Variants in PDE1C observed in about 807,000 individuals in gnomAD.
The protein encoded by PDE1C is phosphodiesterase 1C.
In PDE1C, 62 loss-of-function variants were observed where a neutral mutation model predicts 93.1. That is an observed-to-expected ratio of 0.67 (90% CI 0.54 to 0.82). The LOEUF (loss-of-function observed/expected upper bound fraction) is 0.82, where lower values mean the gene tolerates loss of function less well. PDE1C is among the 40% of genes least tolerant of loss of function. The pLI is 0.00. For missense variants in PDE1C, 742 were observed against 884.6 expected (o/e 0.84, Z 2.04); for synonymous variants, 325 against 310.1 (o/e 1.05, Z -0.50).
chr7:32,305,788 G>A (rs1270770860), intron 1 of PDE1C, among the ~76,000 whole-genome samples: 1 of 152,242 alleles, frequency 6.6e-6, no homozygotes, highest in Non-Finnish European at 1.5e-5. Flanking sequence ...TGAGAGTTAG[G>A]AAAGGGTACC....
intron 1 of PDE1C, among the ~76,000 whole-genome samples, chr7:32,377,779 C>T (rs1017690392): frequency 9.2e-5 from 14 of 152,098 alleles, no homozygotes; most frequent in Admixed American, 3.9e-4. Flanking sequence ...AAATTCAGGT[C>T]GGTCTAGTTA....
chr7:32,251,174 A>G (rs1239006262), intron 1 of PDE1C, among the ~76,000 whole-genome samples: 1 of 152,206 alleles, frequency 6.6e-6, no homozygotes, highest in East Asian at 1.9e-4. Context: ...CTTTGTCCCC[A>G]GCCTCTACCA....
chr7:32,220,608 G>A (rs988228695), intron 1 of PDE1C, among the ~76,000 whole-genome samples: 1 of 152,004 alleles, frequency 6.6e-6, no homozygotes, highest in African/African-American at 2.4e-5. Context: ...GAGGTCAGGA[G>A]ATCGAGACCA....
At chr7:31,994,889 G>A (rs1250795591) in intron 2 of PDE1C, among the ~76,000 whole-genome samples, 3 of 152,142 alleles carry the variant, frequency 2.0e-5, no homozygotes, top group African/African-American at 7.2e-5. Context: ...ACAAATGCTT[G>A]TTTACCAATA....
At chr7:32,158,810 T>C (rs1235572757) in intron 3 of PDE1C, among the ~76,000 whole-genome samples, 3 of 152,206 alleles carry the variant, frequency 2.0e-5, no homozygotes, top group Non-Finnish European at 2.9e-5. Flanking sequence ...GCTCCGAAGA[T>C]TTCTGCCTGC....
chr7:32,199,672 G>A (rs1244647337), intron 2 of PDE1C, among the ~76,000 whole-genome samples: 1 of 151,882 alleles, frequency 6.6e-6, no homozygotes, highest in African/African-American at 2.4e-5. Flanking sequence ...CCAAGGTCTT[G>A]TTCCTTTCTT....
chr7:31,825,315 A>T (rs1475479071), intron 12 of PDE1C, among the ~76,000 whole-genome samples: 1 of 152,142 alleles, frequency 6.6e-6, no homozygotes, highest in Non-Finnish European at 1.5e-5. Context: ...TTTGAGCTGA[A>T]CCCTTAAGAA....
At chr7:32,364,331 C>CG in intron 1 of PDE1C, among the ~76,000 whole-genome samples, 1 of 152,146 alleles carries the variant, frequency 6.6e-6, no homozygotes, top group Non-Finnish European at 1.5e-5. Context: ...ACCAAGGCAA[C>CG]AAATAAACAG....
chr7:32,383,896 T>C (rs1784578100), intron 1 of PDE1C, among the ~76,000 whole-genome samples: 1 of 152,246 alleles, frequency 6.6e-6, no homozygotes. Flanking sequence ...CAAACCTCAG[T>C]TTCTGCGTCT....
At chr7:32,382,168 C>A (rs1341126143) in intron 1 of PDE1C, among the ~76,000 whole-genome samples, 2 of 152,136 alleles carry the variant, frequency 1.3e-5, no homozygotes, top group Non-Finnish European at 2.9e-5. Context: ...TTAACCACTA[C>A]AATCCACCTT....
chr7:31,663,074 G>A, the PDE1C span, among the ~76,000 whole-genome samples: 1 of 152,134 alleles, frequency 6.6e-6, no homozygotes, highest in African/African-American at 2.4e-5. Flanking sequence ...CCCGGTGCTG[G>A]ACACTGCTGT....
Position 32,341,173 on chromosome 7 carries a change from C to CTATTTTTTTTTTTTTTTTTTT in PDE1C, c.310+86648_310+86649insAAAAAAAAAAAAAAAAAAATA, listed in dbSNP as rs796122014. Among the ~76,000 whole-genome samples, 35 of 84,952 alleles carry CTATTTTTTTTTTTTTTTTTTT rather than the reference C, an allele frequency of 4.1e-4. 2 individuals are homozygous for CTATTTTTTTTTTTTTTTTTTT. Among genetic ancestry groups the CTATTTTTTTTTTTTTTTTTTT allele is most frequent in the African/African-American group, 1.5e-3 (34 of 23,018 alleles). 55.7% of individuals were successfully genotyped at this position (84,952 alleles called of 152,430 possible). A position where few individuals can be genotyped will look rare whatever the true frequency, so the allele number is the denominator to read the frequency against. On this transcript the variant is annotated intron_variant, in intron 1 of 1. Coordinates refer to the PDE1C transcript ENST00000672256. ...CCTAAAACTACTCTAGAAATAAAGT[C>CTATTTTTTTTTTTTTTTTTTT]TTTTTTTTTTTTTTTTTTTTGAGAC...
chr7:31,652,539 G>A, the PDE1C span: 1 of 1,603,598 alleles, frequency 6.2e-7, no homozygotes, highest in Non-Finnish European at 8.5e-7. Context: ...TCTCACAGCA[G>A]AGCCACCTGA....
the PDE1C span, among the ~76,000 whole-genome samples, chr7:31,627,492 T>C: frequency 8.6e-5 from 13 of 151,680 alleles, no homozygotes; most frequent in Admixed American, 8.5e-4. Context: ...ACCCCATCTC[T>C]ACAAAAAAAT....
intron 16 of PDE1C, among the ~76,000 whole-genome samples, chr7:31,792,311 T>C (rs987584811): frequency 7.9e-5 from 12 of 152,148 alleles, no homozygotes; most frequent in Admixed American, 6.6e-4. Flanking sequence ...ACTTCTTGCA[T>C]GTAGTGCAAT....
At chr7:31,978,457 G>A (rs1245763078) in intron 2 of PDE1C, among the ~76,000 whole-genome samples, 3 of 152,210 alleles carry the variant, frequency 2.0e-5, no homozygotes, top group Non-Finnish European at 4.4e-5. Flanking sequence ...GGAGAAATGT[G>A]TGCTTGCTAA....
the PDE1C span, among the ~76,000 whole-genome samples, chr7:31,723,993 G>A: frequency 3.3e-5 from 5 of 152,002 alleles, no homozygotes; most frequent in African/African-American, 9.7e-5. Context: ...TCAGGGTCAG[G>A]GTCAGGAAAA....
intron 1 of PDE1C, among the ~76,000 whole-genome samples, chr7:32,387,651 C>A (rs1234112039): frequency 4.0e-5 from 6 of 148,392 alleles, no homozygotes. Context: ...ACCTCCCTCC[C>A]GGACGGGGCG....
chr7:31,807,643 C>T (rs1787025426), intron 16 of PDE1C, among the ~76,000 whole-genome samples: 1 of 151,882 alleles, frequency 6.6e-6, no homozygotes, highest in Non-Finnish European at 1.5e-5. Context: ...TAACAGGAAG[C>T]TGTGGGCCAA....
Sources: allele counts gnomAD v4.1 joint callset (sites outside exome capture counted in the v4.1 genomes callset), GRCh38; gene constraint gnomAD v4.1.1; transcripts MANE v1.5; gene names NCBI Gene and HGNC (gene_info 2026-07-23, HGNC 2026-07-21).